The following KIN variants were observed in gnomAD, a reference collection of about 807,000 sequenced individuals.
The protein encoded by KIN is Kin17 DNA and RNA binding protein.
In KIN, 47 loss-of-function variants were observed where a neutral mutation model predicts 63.0. The ratio of observed to expected loss-of-function variants is 0.75; its 90% CI spans 0.59 to 0.95. The LOEUF (loss-of-function observed/expected upper bound fraction) is 0.95, where lower values mean the gene tolerates loss of function less well. KIN is among the 40% of genes least tolerant of loss of function. The pLI is 0.00. For synonymous variants in KIN, 160 were observed against 157.7 expected (o/e 1.01, Z -0.11); for missense variants, 408 against 460.9 (o/e 0.89, Z 1.05).
At chr10:7,769,463 T>C (rs1051870292) in intron 7 of KIN, 118 bp from the exon 8 acceptor site, 3 of 1,013,646 alleles carry the variant, frequency 3.0e-6, no homozygotes, top group Admixed American at 2.3e-5. Flanking sequence ...AGGAGATTAG[T>C]GAAAACCATG....
intron 5 of KIN, among the ~76,000 whole-genome samples, chr10:7,777,912 A>AT (rs1835813734): frequency 6.6e-6 from 1 of 151,258 alleles, no homozygotes; most frequent in African/African-American, 2.4e-5. Flanking sequence ...CCCAAAAAAA[A>AT]AAAAAATGTA....
chr10:7,781,107 C>A (rs546877287), intron 2 of KIN, among the ~76,000 whole-genome samples: 7 of 152,242 alleles, frequency 4.6e-5, no homozygotes, highest in African/African-American at 1.7e-4. Context: ...CCAATCATAA[C>A]AAAAGTTAAA....
chr10:7,758,934 G>GA (rs368961991), intron 12 of KIN, among the ~76,000 whole-genome samples: 45 of 137,812 alleles, frequency 3.3e-4, no homozygotes, highest in Admixed American at 1.2e-3. Context: ...GGATCAGAAA[G>GA]AAAAAAAAAA....
intron 2 of KIN, among the ~76,000 whole-genome samples, chr10:7,781,872 C>T (rs552315496): frequency 3.3e-5 from 5 of 151,260 alleles, no homozygotes; most frequent in African/African-American, 1.2e-4. Flanking sequence ...GCATGGCCAA[C>T]ATGCCTAAAC....
intron 12 of KIN, among the ~76,000 whole-genome samples, chr10:7,757,141 G>C (rs1467554879): frequency 6.6e-6 from 1 of 152,136 alleles, no homozygotes; most frequent in African/African-American, 2.4e-5. Flanking sequence ...ACTAGACCTG[G>C]AACTTAATAT....
intron 7 of KIN, 24 bp downstream of exon 7, chr10:7,774,807 A>G: frequency 1.9e-6 from 3 of 1,569,138 alleles, no homozygotes; most frequent in East Asian, 2.2e-5. Flanking sequence ...ATGTTTTAAG[A>G]TATCCGTGAA....
At position 7,751,022 on chromosome 10, in the gene KIN, G is replaced by C. The variant is rs1188735659; in HGVS notation, c.*5058C>G. 3 of 152,070 alleles carry C rather than the reference G, an allele frequency of 2.0e-5. No individual in the cohort carries two copies. Among genetic ancestry groups the C allele is most frequent in the Non-Finnish European group, 4.4e-5 (3 of 67,998 alleles). 9.4% of individuals were successfully genotyped at this position (152,070 alleles called of 1,614,324 possible). A position where few individuals can be genotyped will look rare whatever the true frequency, so the allele number is the denominator to read the frequency against. ...AGTAGTAAATTATGTTCTAACAAAA[G>C]ACCAATGACATTTATAAGGGAGAAT... is the stretch of plus-strand genomic sequence containing the variant. On this transcript the variant is annotated 3_prime_UTR_variant, in exon 13 of 13. Transcript: ENST00000379562.
At chr10:7,769,942 T>G (rs1442671699) in intron 7 of KIN, among the ~76,000 whole-genome samples, 1 of 152,140 alleles carries the variant, frequency 6.6e-6, no homozygotes, top group Non-Finnish European at 1.5e-5. Flanking sequence ...TGTAAATCCT[T>G]TTTTTTGAGA....
chr10:7,780,052 T>G lies in KIN; in HGVS notation c.376+4A>C, dbSNP rs11255363. The G allele has an allele frequency of 8.6e-3, 13,817 of 1,610,878 alleles. 1,069 individuals are homozygous for G. In the African/African-American group the frequency reaches 0.16, roughly 19 times the overall value. On this transcript the variant is annotated splice_donor_region_variant and intron_variant, in intron 4 of 12. Coordinates refer to ENST00000379562, the MANE Select transcript of KIN (RefSeq NM_012311.4). ...AAAAAGCAACTTTAAAATCTCATTC[T>G]TACCTTCTCTGCCCAGCCACTTAGT... is the stretch of plus-strand genomic sequence containing the variant.
At chr10:7,763,123 G>T (rs915076317) in intron 10 of KIN, among the ~76,000 whole-genome samples, 4 of 152,094 alleles carry the variant, frequency 2.6e-5, no homozygotes, top group African/African-American at 9.7e-5. Context: ...AGGTGCGGTG[G>T]TGGCCACCTG....
intron 9 of KIN, 115 bp downstream of exon 9, chr10:7,765,932 ACTAACT>A: frequency 1.7e-6 from 1 of 601,132 alleles, no homozygotes; most frequent in Non-Finnish European, 2.8e-6. Flanking sequence ...ATAAGTTATA[ACTAACT>A]CTATCTATAT....
At chr10:7,779,999 C>T (rs1222610745) in intron 4 of KIN, 57 bp downstream of exon 4, 1 of 1,562,570 alleles carries the variant, frequency 6.4e-7, no homozygotes. Flanking sequence ...CCAAACATCT[C>T]ATCCTATGAA....
In KIN at chr10:7,787,959, T is replaced by C. The variant is rs370743676; in HGVS notation, c.-26A>G. The C allele has an allele frequency of 6.5e-6, 10 of 1,547,942 alleles. No individual in the cohort carries two copies. In the African/African-American group the frequency reaches 1.1e-4, roughly 17 times the overall value. On this transcript the variant is annotated 5_prime_UTR_variant, in exon 1 of 13. Coordinates refer to ENST00000379562, the MANE Select transcript of KIN (RefSeq NM_012311.4). The stretch of plus-strand genomic sequence containing the variant: ...GGCGACCACGGCAGCGATCACTTTC[T>C]GGACCCCAGTACTCAGCCAGCCGGA...
chr10:7,784,426 AT>A (rs1489027847), intron 1 of KIN, among the ~76,000 whole-genome samples: 1 of 152,148 alleles, frequency 6.6e-6, no homozygotes, highest in Non-Finnish European at 1.5e-5. Context: ...TCCACAAGAT[AT>A]TTTTTGAAAA....
At chr10:7,769,735 T>C (rs1471808594) in intron 7 of KIN, among the ~76,000 whole-genome samples, 2 of 152,214 alleles carry the variant, frequency 1.3e-5, no homozygotes, top group Non-Finnish European at 2.9e-5. Context: ...TTCACTTTCC[T>C]AAGCCTCAAA....
chr10:7,753,778 T>C lies in KIN; in HGVS notation c.*2302A>G, dbSNP rs1329642587. 1.5e-5 allele frequency: 3 copies of C among 200,982 alleles called. No homozygotes were observed. Among genetic ancestry groups the C allele is most frequent in the African/African-American group, 4.7e-5 (2 of 42,544 alleles). The allele number at this position is 200,982 out of a possible 1,614,324, so 12.4% of individuals were successfully genotyped here. ...TCAGGTTACTTTGGAAAAACCTTAATTCATCCCTGAGGAACATTTTCTGTA... is the reference window on the plus strand; with the variant it reads ...TCAGGTTACTTTGGAAAAACCTTAACTCATCCCTGAGGAACATTTTCTGTA... On this transcript the variant is annotated 3_prime_UTR_variant, in exon 13 of 13. Coordinates refer to ENST00000379562, the MANE Select transcript of KIN (RefSeq NM_012311.4).
chr10:7,766,081 G>A lies in KIN; in HGVS notation c.821C>T (p.Thr274Ile). 2 of 1,611,202 alleles carry A rather than the reference G, an allele frequency of 1.2e-6. No homozygotes were observed. The highest frequency in any genetic ancestry group is 1.7e-6 in the Non-Finnish European group (2 of 1,178,174). The change falls in exon 9 of 13, where the codon ACT becomes ATT. Residue 274 changes from threonine (T) to isoleucine (I), a missense_variant. Physicochemically the swap from Thr to Ile is moderately conservative, Grantham distance 89 (BLOSUM62 -1). Coordinates refer to ENST00000379562, the MANE Select transcript of KIN (RefSeq NM_012311.4). ...IMEIEEEKKRTARTDYWLQPE... is the reference protein window; with the variant it reads ...IMEIEEEKKRIARTDYWLQPE... Reference sequence around the variant, plus strand: ...CTGTAGCCAGTAGTCTGTTCGGGCAGTTCTTTTCTTTTCCTCTTCAATCTG... The same window carrying A: ...CTGTAGCCAGTAGTCTGTTCGGGCAATTCTTTTCTTTTCCTCTTCAATCTG...
In KIN at chr10:7,755,467, A is replaced by C. The variant is rs34134812; in HGVS notation, c.*613T>G. ...GCAAATCCATAGAGACAGAAAGTAC[A>C]TTAGTGGCTGTCTAGGGCTAGGGCA... is the stretch of plus-strand genomic sequence containing the variant. On this transcript the variant is annotated 3_prime_UTR_variant, in exon 13 of 13. Transcript: ENST00000379562. 6.6e-6 allele frequency: 1 copy of C among 152,206 alleles called. No individual in the cohort carries two copies. 9.4% of individuals were successfully genotyped at this position (152,206 alleles called of 1,614,324 possible).
At position 7,787,857 on chromosome 10, in the gene KIN, C is replaced by G. The variant is rs762135681; in HGVS notation, c.77G>C (p.Trp26Ser). 6.2e-7 allele frequency: 1 copy of G among 1,614,222 alleles called. No homozygotes were observed. Among genetic ancestry groups the G allele is most frequent in the Non-Finnish European group, 8.5e-7 (1 of 1,180,024 alleles). ...IKSKGLQKLR[W>S]YCQMCQKQCR... ...CTGCTTCTGGCACATCTGGCAATAC[C>G]AGCGTAGCTTCTGCAGCCCCTTGGA... The change falls in exon 1 of 13, where the codon TGG becomes TCG. Residue 26 changes from tryptophan to serine, a missense_variant. By Grantham distance (177) the Trp-to-Ser change is radical (BLOSUM62 -3). Coordinates refer to ENST00000379562, the MANE Select transcript of KIN (RefSeq NM_012311.4).
Sources: allele counts gnomAD v4.1 joint callset (sites outside exome capture counted in the v4.1 genomes callset), GRCh38; gene constraint gnomAD v4.1.1; transcripts MANE v1.5; gene names NCBI Gene and HGNC (gene_info 2026-07-23, HGNC 2026-07-21).